MMP26: variants seen among roughly 807,000 people sequenced by gnomAD.
MMP26 encodes the protein matrix metallopeptidase 26, also known as matrix metalloproteinase-26.
A neutral mutation model predicts 31.0 loss-of-function variants in MMP26; 33 were observed. That is an observed-to-expected ratio of 1.06 (90% CI 0.81 to 1.42). The LOEUF (loss-of-function observed/expected upper bound fraction) is 1.42, where lower values mean the gene tolerates loss of function less well. MMP26 is among the 40% of genes most tolerant of loss of function. The pLI is 0.00. For missense variants in MMP26, 347 were observed against 316.1 expected, an observed-to-expected ratio of 1.10 and a Z score of -0.74; for synonymous variants, 122 against 114.9, an observed-to-expected ratio of 1.06 and a Z score of -0.40.
intron 2 of MMP26, among the ~76,000 whole-genome samples, chr11:4,867,352 A>G (rs1850249588): frequency 6.6e-6 from 1 of 150,726 alleles, no homozygotes; most frequent in Non-Finnish European, 1.5e-5. Flanking sequence ...ATCACTGATC[A>G]TTAGGGAACT....
At position 4,870,119 on chromosome 11, in the gene MMP26, G is replaced by A. The variant is rs184470594; in HGVS notation, c.-145+102778G>A. Among the ~76,000 whole-genome samples, 360 of 152,156 alleles carry A rather than the reference G, an allele frequency of 2.4e-3. 4 individuals carry two copies. Among genetic ancestry groups the A allele is most frequent in the Non-Finnish European group, 2.9e-3 (196 of 67,988 alleles). On this transcript the variant is annotated intron_variant, in intron 2 of 7. Transcript: ENST00000380390. The stretch of plus-strand genomic sequence containing the variant: ...GATAGCATTAGGAGATATACCTAAT[G>A]TAAATGACAAGTTAATGGGTGCAGC...
At chr11:4,808,946 A>G (rs1849314172) in intron 2 of MMP26, among the ~76,000 whole-genome samples, 1 of 150,910 alleles carries the variant, frequency 6.6e-6, no homozygotes, top group Non-Finnish European at 1.5e-5. Flanking sequence ...ACTTATGAAC[A>G]TAACACAGGC....
intron 2 of MMP26, among the ~76,000 whole-genome samples, chr11:4,932,371 G>A (rs1049046084): frequency 6.6e-6 from 1 of 152,092 alleles, no homozygotes; most frequent in African/African-American, 2.4e-5. Flanking sequence ...CTCTTTATTT[G>A]TTGCAGCTAT....
chr11:4,784,318 A>G (rs1208630288), intron 2 of MMP26, among the ~76,000 whole-genome samples: 3 of 152,218 alleles, frequency 2.0e-5, no homozygotes, highest in East Asian at 1.9e-4. Flanking sequence ...AGGAATCTGT[A>G]GGAATCAGAA....
chr11:4,902,829 T>C (rs964222780), intron 2 of MMP26, among the ~76,000 whole-genome samples: 2 of 152,176 alleles, frequency 1.3e-5, no homozygotes, highest in Non-Finnish European at 2.9e-5. Context: ...ATGAGTGGGC[T>C]TATCCCTGCT....
intron 2 of MMP26, among the ~76,000 whole-genome samples, chr11:4,776,326 G>A (rs952240856): frequency 4.6e-5 from 7 of 151,876 alleles, no homozygotes; most frequent in Admixed American, 2.0e-4. Context: ...TGAGATTACT[G>A]GATCAAATAA....
chr11:4,882,916 T>C (rs1446073459), intron 2 of MMP26: 1 of 1,564,664 alleles, frequency 6.4e-7, no homozygotes, highest in East Asian at 2.3e-5. Context: ...GAATTATGCT[T>C]TGGAAAGAAA....
chr11:4,865,438 A>G (rs1191435040), intron 2 of MMP26, among the ~76,000 whole-genome samples: 2 of 152,078 alleles, frequency 1.3e-5, no homozygotes, highest in East Asian at 3.9e-4. Context: ...AAAAAGGGGG[A>G]AGATATGAAC....
At chr11:4,819,397 AG>A (rs1040783168) in intron 2 of MMP26, among the ~76,000 whole-genome samples, 2 of 151,784 alleles carry the variant, frequency 1.3e-5, no homozygotes, top group African/African-American at 2.4e-5. Flanking sequence ...TACCCGGGAG[AG>A]GGGGGAAAGA....
intron 2 of MMP26, among the ~76,000 whole-genome samples, chr11:4,922,261 T>C (rs7102420): frequency 0.024 from 3,591 of 152,296 alleles, 134 homozygotes; most frequent in African/African-American, 0.082. Flanking sequence ...TATGTTTTCC[T>C]TCTGGTGACT....
chr11:4,980,703 A>T (rs1351596753), intron 2 of MMP26, among the ~76,000 whole-genome samples: 1 of 152,090 alleles, frequency 6.6e-6, no homozygotes, highest in African/African-American at 2.4e-5. Context: ...AATTATTTGA[A>T]GAAAAATATG....
intron 2 of MMP26, chr11:4,860,482 C>T (rs1850136898): frequency 6.4e-6 from 3 of 470,954 alleles, no homozygotes; most frequent in South Asian, 4.6e-5. Flanking sequence ...AAAGGCCAAC[C>T]ATGGGTTCTT....
chr11:4,978,413 G>A (rs1846768400), intron 2 of MMP26, among the ~76,000 whole-genome samples: 1 of 151,972 alleles, frequency 6.6e-6, no homozygotes, highest in African/African-American at 2.4e-5. Flanking sequence ...TTTGCTTACT[G>A]GTATCTTAGA....
chr11:4,819,720 A>G (rs12794781), intron 2 of MMP26, among the ~76,000 whole-genome samples: 9,834 of 151,790 alleles, frequency 0.065, 444 homozygotes, highest in Middle Eastern at 0.14. Flanking sequence ...TGGGACCTAC[A>G]GACATGTACC....
At chr11:4,935,939 G>T (rs1184255433) in intron 2 of MMP26, among the ~76,000 whole-genome samples, 1 of 125,778 alleles carries the variant, frequency 8.0e-6, no homozygotes, top group Non-Finnish European at 1.7e-5. Flanking sequence ...ACTTGATCAT[G>T]GTGGATAAGC....
Position 4,740,735 on chromosome 11 carries a change from C to T in MMP26, c.-216-26535C>T, listed in dbSNP as rs190639165. Among the ~76,000 whole-genome samples the T allele has an allele frequency of 2.0e-3, 303 of 150,462 alleles. 1 individual carries two copies. In the Middle Eastern group the frequency reaches 0.042, roughly 21 times the overall value. On this transcript the variant is annotated intron_variant, in intron 1 of 7. Coordinates refer to ENST00000380390, the MANE Select transcript of MMP26 (RefSeq NM_021801.5). The stretch of plus-strand genomic sequence containing the variant: ...TTGGCTTTGGACATCTCCTCCAAGA[C>T]AACCTGGAACATTGAATTTAAATAT...
chr11:4,902,259 C>G (rs73405064), intron 2 of MMP26, among the ~76,000 whole-genome samples: 5,990 of 150,982 alleles, frequency 0.04, 396 homozygotes, highest in African/African-American at 0.14. Flanking sequence ...TCATCTGCAA[C>G]CAGTGATGTG....
At chr11:4,938,109 A>C (rs1332496162) in intron 2 of MMP26, 1 of 152,206 alleles carries the variant, frequency 6.6e-6, no homozygotes, top group Admixed American at 6.6e-5. Context: ...AAAGCAAATA[A>C]TACATAGGTT....
rs1848369608 is a variant in MMP26, at chr11:4,745,605, A to G, written c.-216-21665A>G. Among the ~76,000 whole-genome samples the G allele has an allele frequency of 2.6e-5, 4 of 152,304 alleles. No individual in the cohort carries two copies. In the South Asian group the frequency reaches 8.3e-4, roughly 32 times the overall value. On this transcript the variant is annotated intron_variant, in intron 1 of 7. Coordinates refer to ENST00000380390, the MANE Select transcript of MMP26 (RefSeq NM_021801.5). ...TCACTATCTATGAGGCAACATTGACAAGAAATTATCACCACTAATCCAGTT... is the reference window on the plus strand; with the variant it reads ...TCACTATCTATGAGGCAACATTGACGAGAAATTATCACCACTAATCCAGTT...
Sources: gnomAD v4.1 joint callset for allele counts (sites outside exome capture counted in the v4.1 genomes callset) on GRCh38, gnomAD v4.1.1 for gene constraint, MANE v1.5 for transcripts, NCBI Gene and HGNC (gene_info 2026-07-23, HGNC 2026-07-21) for gene names.